The following H2AZ2 variants were observed in gnomAD, a reference collection of about 807,000 sequenced individuals.
The protein encoded by H2AZ2 is H2A.Z variant histone 2.
H2AZ2 carries 5 observed loss-of-function variants against 15.5 expected under a neutral mutation model. That is an observed-to-expected ratio of 0.32 (90% CI 0.17 to 0.68). The LOEUF is 0.68. Among genes scored for constraint, H2AZ2 ranks in the 30% least tolerant of loss-of-function variants. The pLI is 0.72. For synonymous variants in H2AZ2, 44 were observed against 57.4 expected, an observed-to-expected ratio of 0.77 and a Z score of 1.05; for missense variants, 42 against 162.5, an observed-to-expected ratio of 0.26 and a Z score of 4.03.
rs778731825 is a variant in H2AZ2 at position 44,835,482 on chromosome 7, TAGTC to T, written c.325+43_325+46del. On this transcript the variant is annotated intron_variant, in intron 4 of 4. Coordinates refer to ENST00000308153, the MANE Select transcript of H2AZ2 (RefSeq NM_012412.5). ...TATATCATTGATCTGAACGATATAT[TAGTC>T]AGAAAGACCAATAAGAATCAAGGCT... 1.0e-5 allele frequency: 16 copies of T among 1,547,830 alleles called. No individual in the cohort carries two copies. In the Admixed American group the frequency reaches 1.9e-4, roughly 19 times the overall value.
At chr7:44,844,501 G>A (rs1411674017) in intron 1 of H2AZ2, among the ~76,000 whole-genome samples, 5 of 152,058 alleles carry the variant, frequency 3.3e-5, no homozygotes, top group African/African-American at 7.2e-5. Flanking sequence ...GTATAGGTGC[G>A]CGCCACCATG....
In H2AZ2 at chr7:44,847,987, TCCGCCTCCGCTCGGCCGCGCGCCCTC is replaced by T. The variant is rs1317924679; in HGVS notation, c.-42_-17del. The stretch of plus-strand genomic sequence containing the variant: ...CCCTTACCATGTTCTCGGCGCCGAC[TCCGCCTCCGCTCGGCCGCGCGCCCTC>T]CCGCTGCCGACCCGCGCCGCCGCCG... On this transcript the variant is annotated 5_prime_UTR_variant, in exon 1 of 5. Coordinates refer to ENST00000308153, the MANE Select transcript of H2AZ2 (RefSeq NM_012412.5). The T allele has an allele frequency of 4.9e-6, 7 of 1,426,256 alleles. No individual in the cohort carries two copies. In the South Asian group the frequency reaches 1.0e-4, roughly 21 times the overall value. The allele number at this position is 1,426,256 out of a possible 1,614,324, so 88.4% of individuals were successfully genotyped here.
chr7:44,841,920 A>G lies in H2AZ2; in HGVS notation c.82-908T>C, dbSNP rs534016608. Among the ~76,000 whole-genome samples, 3 of 152,336 alleles carry G rather than the reference A, an allele frequency of 2.0e-5. No homozygotes were observed. In the East Asian group the frequency reaches 5.8e-4, roughly 29 times the overall value. Reference sequence around the variant, plus strand: ...AAAACTGCTTCCAGTTACAGTCTAGACAGTCTCTTTCCAAAGACTGAATTG... The same window carrying G: ...AAAACTGCTTCCAGTTACAGTCTAGGCAGTCTCTTTCCAAAGACTGAATTG... On this transcript the variant is annotated intron_variant, in intron 2 of 4. Coordinates refer to ENST00000308153, the MANE Select transcript of H2AZ2 (RefSeq NM_012412.5).
chr7:44,828,305 T>C (rs1792953399), downstream of H2AZ2: 2 of 152,206 alleles, frequency 1.3e-5, no homozygotes. Context: ...GTCCCAGTTT[T>C]TATGTTCTCC....
At chr7:44,838,307 T>G (rs1793182030) in intron 3 of H2AZ2, among the ~76,000 whole-genome samples, 1 of 151,994 alleles carries the variant, frequency 6.6e-6, no homozygotes, top group Non-Finnish European at 1.5e-5. Flanking sequence ...TAGAAAAGTT[T>G]TAAAATGTAT....
At chr7:44,834,828 A>G (rs544586410) in intron 4 of H2AZ2, 15 of 282,576 alleles carry the variant, frequency 5.3e-5, no homozygotes, top group African/African-American at 3.2e-4. Context: ...TTTGTCGCCA[A>G]TGCTGGGGTG....
chr7:44,844,137 G>A (rs972813009), intron 1 of H2AZ2, among the ~76,000 whole-genome samples: 7 of 151,626 alleles, frequency 4.6e-5, no homozygotes, highest in African/African-American at 1.2e-4. Flanking sequence ...TGAAAGCAAG[G>A]ATTCAAACAA....
At chr7:44,840,730 A>G (rs1344790061) in intron 3 of H2AZ2, among the ~76,000 whole-genome samples, 169 bp downstream of exon 3, 1 of 152,190 alleles carries the variant, frequency 6.6e-6, no homozygotes. Flanking sequence ...GAGACTGGCC[A>G]TTGCACTCCA....
intron 1 of H2AZ2, among the ~76,000 whole-genome samples, chr7:44,846,786 CTA>C (rs1171893154): frequency 6.6e-6 from 1 of 151,764 alleles, no homozygotes; most frequent in Non-Finnish European, 1.5e-5. Context: ...TAACAATAAA[CTA>C]TACGTGAGAC....
chr7:44,833,890 C>T lies in H2AZ2; in HGVS notation c.*611G>A, dbSNP rs969719986. 3.9e-5 allele frequency among the ~76,000 whole-genome samples: 6 copies of T among 152,218 alleles called. No homozygotes were observed. Among genetic ancestry groups the T allele is most frequent in the Non-Finnish European group, 7.3e-5 (5 of 68,048 alleles). ...AGAGCACTCTGCAAAGGGCCTGGCA[C>T]ATGGTAAGTGCTTGGTGTAGAATTC... is the stretch of plus-strand genomic sequence containing the variant. On this transcript the variant is annotated 3_prime_UTR_variant, in exon 5 of 5. Transcript: ENST00000308153.
chr7:44,831,421 T>C (rs1041782454), downstream of H2AZ2, among the ~76,000 whole-genome samples: 41 of 152,136 alleles, frequency 2.7e-4, no homozygotes, highest in African/African-American at 9.2e-4. Context: ...CAAGTAACTA[T>C]ACTATCAAAA....
At chr7:44,842,539 T>C (rs1411633913) in intron 2 of H2AZ2, among the ~76,000 whole-genome samples, 1 of 152,228 alleles carries the variant, frequency 6.6e-6, no homozygotes, top group African/African-American at 2.4e-5. Flanking sequence ...CTCAACCTTA[T>C]ACTGCTTCAC....
intron 2 of H2AZ2, among the ~76,000 whole-genome samples, chr7:44,842,477 C>T (rs1344182525): frequency 1.3e-5 from 2 of 152,198 alleles, no homozygotes; most frequent in African/African-American, 2.4e-5. Flanking sequence ...GCCCCTACTA[C>T]AAACTCCTCT....
intron 3 of H2AZ2, among the ~76,000 whole-genome samples, chr7:44,838,405 C>T (rs998694210): frequency 3.3e-5 from 5 of 151,994 alleles, no homozygotes; most frequent in African/African-American, 1.2e-4. Context: ...AATCCCAGCA[C>T]TTTGGGAGGC....
At chr7:44,847,348 C>T (rs1311168454) in intron 1 of H2AZ2, among the ~76,000 whole-genome samples, 1 of 152,140 alleles carries the variant, frequency 6.6e-6, no homozygotes, top group Non-Finnish European at 1.5e-5. Flanking sequence ...AAATCCATAG[C>T]AAGGGCAAAG....
chr7:44,847,450 A>G (rs1035811446), intron 1 of H2AZ2, among the ~76,000 whole-genome samples: 4 of 152,208 alleles, frequency 2.6e-5, no homozygotes, highest in Non-Finnish European at 5.9e-5. Flanking sequence ...ACCTAGAACA[A>G]ATCGTGTGGT....
chr7:44,829,596 A>G (rs1312069757), downstream of H2AZ2: 1 of 55,686 alleles, frequency 1.8e-5, no homozygotes, highest in East Asian at 2.3e-4. Context: ...ATGAGACTCT[A>G]TTAAAGGAAA....
chr7:44,846,497 G>C (rs1246561700), intron 1 of H2AZ2, among the ~76,000 whole-genome samples: 23 of 151,874 alleles, frequency 1.5e-4, no homozygotes, highest in African/African-American at 4.8e-5. Context: ...CACGCCTGTA[G>C]CTATTCGGGA....
At chr7:44,835,970 T>A (rs1440746707) in intron 3 of H2AZ2, among the ~76,000 whole-genome samples, 1 of 149,520 alleles carries the variant, frequency 6.7e-6, no homozygotes, top group Non-Finnish European at 1.5e-5. Flanking sequence ...TTTTTTTTTT[T>A]TTTTTTTGAG....
Sources: allele counts gnomAD v4.1 joint callset (sites outside exome capture counted in the v4.1 genomes callset), GRCh38; gene constraint gnomAD v4.1.1; transcripts MANE v1.5; gene names NCBI Gene and HGNC (gene_info 2026-07-23, HGNC 2026-07-21).